The following PCDHA4 variants were observed in gnomAD, a reference collection of about 807,000 sequenced individuals.
PCDHA4 encodes the protein protocadherin alpha-4.
A neutral mutation model predicts 61.4 loss-of-function variants in PCDHA4; 49 were observed. The observed-to-expected ratio is 0.80, with a 90% CI of 0.63 to 1.01. The LOEUF is 1.01. Ranked by LOEUF, PCDHA4 falls within the 50% of genes least tolerant of loss-of-function variation. The probability of loss-of-function intolerance (pLI) is 0.00; values close to 1 mark genes in which losing one functional copy is unlikely to be tolerated. For synonymous variants in PCDHA4, 590 were observed against 550.3 expected (o/e 1.07, Z -1.01); for missense variants, 1,254 against 1,235.8 (o/e 1.01, Z -0.22).
chr5:140,843,227 G>A, intron 1 of PCDHA4: 1 of 1,596,116 alleles, frequency 6.3e-7, no homozygotes, highest in Non-Finnish European at 8.6e-7. Flanking sequence ...CACCACTCGT[G>A]TCCTGGACGA....
intron 1 of PCDHA4, among the ~76,000 whole-genome samples, chr5:140,971,061 G>A (rs2096454888): frequency 6.6e-6 from 1 of 152,154 alleles, no homozygotes; most frequent in Non-Finnish European, 1.5e-5. Context: ...TTTAAATAAG[G>A]TTGCTGTAGA....
intron 1 of PCDHA4, among the ~76,000 whole-genome samples, chr5:140,918,414 T>G (rs2078683449): frequency 6.6e-6 from 1 of 152,198 alleles, no homozygotes; most frequent in African/African-American, 2.4e-5. Context: ...TGGCCAGGAC[T>G]TCCAGTAGGA....
chr5:140,849,787 G>A lies in PCDHA4; in HGVS notation c.2385+40215G>A, dbSNP rs1421161535. The stretch of plus-strand genomic sequence containing the variant: ...CTGGTGGTTACCGCGCGGGACGGGG[G>A]CTCGCCTTCACTGTGGGCCACGGCC... On this transcript the variant is annotated intron_variant, in intron 1 of 3. Transcript: ENST00000530339. 3.1e-6 allele frequency: 5 copies of A among 1,598,342 alleles called. 1 individual carries two copies. The highest frequency in any genetic ancestry group is 3.4e-4 in the Middle Eastern group (2 of 5,864).
intron 1 of PCDHA4, among the ~76,000 whole-genome samples, chr5:140,949,517 C>T (rs2094387959): frequency 6.6e-6 from 1 of 151,706 alleles, no homozygotes; most frequent in African/African-American, 2.4e-5. Context: ...TTTATTGATC[C>T]TTTTATCTTC....
chr5:140,830,895 T>C (rs2150190281), intron 1 of PCDHA4: 4 of 152,692 alleles, frequency 2.6e-5, no homozygotes, highest in Non-Finnish European at 2.9e-5. Flanking sequence ...GTATCACTTA[T>C]GTTTTTACAC....
chr5:140,979,110 C>A, intron 2 of PCDHA4, 103 bp downstream of exon 2: 1 of 1,515,726 alleles, frequency 6.6e-7, no homozygotes, highest in East Asian at 2.3e-5. Flanking sequence ...AACTAAAAAG[C>A]TTTAGGTACT....
intron 1 of PCDHA4, chr5:140,862,641 A>C (rs529897830): frequency 1.7e-5 from 9 of 540,658 alleles, no homozygotes; most frequent in Admixed American, 9.7e-5. Context: ...ACGACTTCAC[A>C]GTGTCCGCGC....
intron 1 of PCDHA4, among the ~76,000 whole-genome samples, chr5:140,959,151 C>CAG (rs782425604): frequency 2.0e-4 from 30 of 152,084 alleles, no homozygotes; most frequent in African/African-American, 7.0e-4. Context: ...CCAAAGTGGG[C>CAG]AGATTGCTTG....
intron 1 of PCDHA4, among the ~76,000 whole-genome samples, chr5:140,874,947 T>C (rs2055188699): frequency 6.6e-6 from 1 of 152,240 alleles, no homozygotes; most frequent in African/African-American, 2.4e-5. Flanking sequence ...AACAGCGGAA[T>C]TGTAAGCTAT....
At chr5:140,871,380 T>G in intron 1 of PCDHA4, 1 of 1,614,184 alleles carries the variant, frequency 6.2e-7, no homozygotes, top group East Asian at 2.2e-5. Context: ...GGGTGTGCTC[T>G]GAGGAGGGCC....
chr5:140,966,281 G>T, intron 1 of PCDHA4: 1 of 366,828 alleles, frequency 2.7e-6, no homozygotes, highest in Non-Finnish European at 4.8e-6. Context: ...TGGACAGTGG[G>T]GGTAGGGAGA....
intron 3 of PCDHA4, among the ~76,000 whole-genome samples, chr5:140,988,661 A>G (rs1411850477): frequency 6.6e-6 from 1 of 152,186 alleles, no homozygotes; most frequent in Non-Finnish European, 1.5e-5. Context: ...TTGTTTATGA[A>G]TAGACTCTAA....
In PCDHA4 at chr5:140,852,911, C is replaced by T. The variant is rs2150524968; in HGVS notation, c.2385+43339C>T. The T allele has an allele frequency of 1.1e-4, 89 of 791,740 alleles. 5 individuals are homozygous for T. The highest frequency in any genetic ancestry group is 1.3e-4 in the Non-Finnish European group (82 of 639,880). The allele number at this position is 791,740 out of a possible 1,614,324, so 49.0% of individuals were successfully genotyped here. On this transcript the variant is annotated intron_variant, in intron 1 of 3. Coordinates refer to ENST00000530339, the MANE Select transcript of PCDHA4 (RefSeq NM_018907.4). Reference sequence around the variant, plus strand: ...TTTTTTTTTTTGAGTCAGAGTCTCGCTCTGTTGCCCAGGCTGGAGTGCAGT... The same window carrying T: ...TTTTTTTTTTTGAGTCAGAGTCTCGTTCTGTTGCCCAGGCTGGAGTGCAGT...
At chr5:140,824,515 G>T in intron 1 of PCDHA4, 1 of 226,310 alleles carries the variant, frequency 4.4e-6, no homozygotes, top group Non-Finnish European at 8.5e-6. Context: ...GCAGTGATCT[G>T]ATCATAGCTC....
At chr5:140,954,221 T>C (rs1237648662) in intron 1 of PCDHA4, among the ~76,000 whole-genome samples, 2 of 152,252 alleles carry the variant, frequency 1.3e-5, no homozygotes, top group African/African-American at 4.8e-5. Flanking sequence ...TTTTTGCTAT[T>C]GTGAATAGTG....
intron 3 of PCDHA4, among the ~76,000 whole-genome samples, chr5:140,986,303 A>G (rs2097193977): frequency 6.6e-6 from 1 of 152,166 alleles, no homozygotes; most frequent in South Asian, 2.1e-4. Context: ...CAGAGAGAGA[A>G]AATTAGCTAA....
At chr5:140,999,855 G>A (rs1019104615) in intron 3 of PCDHA4, among the ~76,000 whole-genome samples, 8 of 152,094 alleles carry the variant, frequency 5.3e-5, no homozygotes, top group Admixed American at 2.6e-4. Context: ...TATCTCTTCC[G>A]CTCCAAGATT....
chr5:140,809,702 TAA>T, intron 1 of PCDHA4, 130 bp downstream of exon 1: 2 of 1,127,900 alleles, frequency 1.8e-6, no homozygotes, highest in Non-Finnish European at 2.5e-6. Flanking sequence ...CCATTTTAAC[TAA>T]AGTCTTTTGG....
At chr5:140,876,556 G>A (rs369915148) in intron 1 of PCDHA4, 10 of 1,614,204 alleles carry the variant, frequency 6.2e-6, no homozygotes, top group Non-Finnish European at 8.5e-6. Flanking sequence ...TGTGCAAGAG[G>A]ATGCTCAGGT....
Sources: gnomAD v4.1 joint callset for allele counts (sites outside exome capture counted in the v4.1 genomes callset) on GRCh38, gnomAD v4.1.1 for gene constraint, MANE v1.5 for transcripts, NCBI Gene and HGNC (gene_info 2026-07-23, HGNC 2026-07-21) for gene names.